PLCB1: variants seen among roughly 807,000 people sequenced by gnomAD.
PLCB1 encodes the protein phospholipase C beta 1.
Under a neutral mutation model 161.8 loss-of-function variants are expected in PLCB1, and 46 were observed. That is an observed-to-expected ratio of 0.28 (90% confidence interval 0.22 to 0.36). PLCB1 has a LOEUF of 0.36. PLCB1 is among the 10% of genes least tolerant of loss of function. PLCB1 has a pLI of 1.00. For missense variants in PLCB1, 1,016 were observed against 1,472.5 expected (o/e 0.69, Z 5.07); for synonymous variants, 517 against 503.7 (o/e 1.03, Z -0.35).
chr20:8,236,102 C>T (rs1038464018), intron 2 of PLCB1, among the ~76,000 whole-genome samples: 1 of 151,966 alleles, frequency 6.6e-6, no homozygotes, highest in Non-Finnish European at 1.5e-5. Context: ...TTTGAAGAAA[C>T]TACTAAAAAA....
At chr20:8,376,821 A>T (rs1600355335) in intron 3 of PLCB1, among the ~76,000 whole-genome samples, 1 of 151,856 alleles carries the variant, frequency 6.6e-6, no homozygotes, top group Non-Finnish European at 1.5e-5. Flanking sequence ...CCAGCTACTC[A>T]GGAGGCTGAG....
rs1409150923 is a variant in PLCB1 at position 8,628,389 on chromosome 20, C to T, written c.342C>T (p.Ile114=). The T allele has an allele frequency of 6.2e-7, 1 of 1,614,066 alleles. No individual in the cohort carries two copies. Among genetic ancestry groups the T allele is most frequent in the Non-Finnish European group, 8.5e-7 (1 of 1,179,994 alleles). The part of the protein sequence containing the change: ...TVVYGPDLVN[I]SHLNLVAFQE... Reference sequence around the variant, plus strand: ...TGTATGGGCCTGACCTCGTGAACATCTCCCATTTGAATCTCGTGGCTTTCC... The same window carrying T: ...TGTATGGGCCTGACCTCGTGAACATTTCCCATTTGAATCTCGTGGCTTTCC... The change falls in exon 4 of 32, where the codon ATC becomes ATT. Residue 114 remains isoleucine, a synonymous_variant. Coordinates refer to ENST00000338037, the MANE Select transcript of PLCB1 (RefSeq NM_015192.4).
At chr20:8,328,742 G>C (rs1042186452) in intron 2 of PLCB1, among the ~76,000 whole-genome samples, 3 of 152,124 alleles carry the variant, frequency 2.0e-5, no homozygotes, top group African/African-American at 7.2e-5. Flanking sequence ...TGAGACAGAT[G>C]CCTCAAAATA....
At chr20:8,177,825 A>G (rs2123082083) in intron 2 of PLCB1, among the ~76,000 whole-genome samples, 2 of 152,198 alleles carry the variant, frequency 1.3e-5, no homozygotes, top group Middle Eastern at 3.4e-3. Context: ...TAGTTTTTCA[A>G]TCCTCACCCT....
chr20:8,316,193 G>T (rs555245339), intron 2 of PLCB1, among the ~76,000 whole-genome samples: 1 of 152,290 alleles, frequency 6.6e-6, no homozygotes, highest in African/African-American at 2.4e-5. Context: ...ACATTTGTTG[G>T]ACATTCTGGG....
intron 2 of PLCB1, among the ~76,000 whole-genome samples, chr20:8,230,454 A>G (rs540872753): frequency 7.2e-5 from 11 of 152,302 alleles, no homozygotes; most frequent in African/African-American, 2.6e-4. Flanking sequence ...TAAACAATAT[A>G]TACAATGTAT....
intron 23 of PLCB1, among the ~76,000 whole-genome samples, chr20:8,747,784 T>C (rs1299078062): frequency 6.6e-6 from 1 of 151,998 alleles, no homozygotes; most frequent in African/African-American, 2.4e-5. Flanking sequence ...ATAAATAAAA[T>C]AAAATAAAAT....
At chr20:8,174,089 A>C (rs1029327176) in intron 2 of PLCB1, among the ~76,000 whole-genome samples, 1 of 152,224 alleles carries the variant, frequency 6.6e-6, no homozygotes, top group East Asian at 1.9e-4. Context: ...TGAATAAATC[A>C]TGGCTGAAAA....
At chr20:8,449,171 T>G (rs1054118924) in intron 3 of PLCB1, among the ~76,000 whole-genome samples, 1 of 152,210 alleles carries the variant, frequency 6.6e-6, no homozygotes, top group Admixed American at 6.5e-5. Context: ...TATTGAATGC[T>G]TATGACATAC....
chr20:8,753,963 G>C (rs969597755), intron 23 of PLCB1, among the ~76,000 whole-genome samples: 3 of 152,048 alleles, frequency 2.0e-5, no homozygotes, highest in Non-Finnish European at 4.4e-5. Flanking sequence ...TATCCTTAGG[G>C]GTTGTGTCCC....
intron 3 of PLCB1, among the ~76,000 whole-genome samples, chr20:8,540,097 T>C (rs372886962): frequency 1.3e-5 from 2 of 152,184 alleles, no homozygotes; most frequent in South Asian, 2.1e-4. Context: ...CTAACAAGAA[T>C]GATATCAATT....
intron 2 of PLCB1, among the ~76,000 whole-genome samples, chr20:8,181,145 A>T (rs895847600): frequency 1.3e-5 from 2 of 148,368 alleles, no homozygotes; most frequent in Non-Finnish European, 3.0e-5. Context: ...GCTACTCGGG[A>T]GGCTGAGGCA....
Position 8,760,432 on chromosome 20 carries a change from A to G in PLCB1, c.2682A>G (p.Thr894=). Residue 894 remains threonine (T), a synonymous_variant, in exon 25 of 32, where the codon ACA becomes ACG. Coordinates refer to ENST00000338037, the MANE Select transcript of PLCB1 (RefSeq NM_015192.4). ...GTTCTGTAAAGGCACCTGCCAAAAC[A>G]GAAGATCTTATTCAGAGTGTCTTAA... ...APGSVKAPAK[T]EDLIQSVLTE... The G allele has an allele frequency of 1.2e-6, 2 of 1,611,340 alleles. No individual in the cohort carries two copies. The highest frequency in any genetic ancestry group is 1.7e-6 in the Non-Finnish European group (2 of 1,177,606).
At chr20:8,206,602 A>G (rs1048234678) in intron 2 of PLCB1, among the ~76,000 whole-genome samples, 1 of 152,124 alleles carries the variant, frequency 6.6e-6, no homozygotes, top group Non-Finnish European at 1.5e-5. Context: ...GTGAAATATA[A>G]AATAAATACT....
intron 31 of PLCB1, among the ~76,000 whole-genome samples, chr20:8,803,266 C>T (rs949712538): frequency 6.6e-6 from 1 of 151,784 alleles, no homozygotes; most frequent in African/African-American, 2.4e-5. Flanking sequence ...AAGTAGCTCC[C>T]AGGGGATGTT....
At chr20:8,479,848 T>A (rs1368370856) in intron 3 of PLCB1, among the ~76,000 whole-genome samples, 3 of 152,214 alleles carry the variant, frequency 2.0e-5, no homozygotes, top group Non-Finnish European at 4.4e-5. Flanking sequence ...GAAAAGGATA[T>A]GAAGATCAGA....
intron 2 of PLCB1, among the ~76,000 whole-genome samples, chr20:8,286,184 C>T (rs545806030): frequency 2.6e-5 from 4 of 152,186 alleles, no homozygotes; most frequent in East Asian, 3.9e-4. Flanking sequence ...ATTTGCCGGG[C>T]GTGGTAGCAT....
chr20:8,260,934 C>T (rs939931339), intron 2 of PLCB1, among the ~76,000 whole-genome samples: 2 of 152,128 alleles, frequency 1.3e-5, no homozygotes, highest in Non-Finnish European at 2.9e-5. Context: ...TTCCACCAAT[C>T]TGGAGACTGC....
intron 2 of PLCB1, among the ~76,000 whole-genome samples, chr20:8,155,173 T>C (rs2051546541): frequency 6.6e-6 from 1 of 152,230 alleles, no homozygotes; most frequent in Non-Finnish European, 1.5e-5. Flanking sequence ...ACTTCATTCT[T>C]ATCTCATTTA....
Sources: gnomAD v4.1 joint callset for allele counts (sites outside exome capture counted in the v4.1 genomes callset) on GRCh38, gnomAD v4.1.1 for gene constraint, MANE v1.5 for transcripts, NCBI Gene and HGNC (gene_info 2026-07-23, HGNC 2026-07-21) for gene names.